STK3: variants seen among roughly 807,000 people sequenced by gnomAD.
STK3 encodes serine/threonine-protein kinase 3.
Under a neutral mutation model 58.0 loss-of-function variants are expected in STK3, and 41 were observed. The observed-to-expected ratio is 0.71, with a 90% confidence interval of 0.55 to 0.92. STK3 has a LOEUF of 0.92. STK3 is among the 40% of genes least tolerant of loss of function. The pLI is 0.00. For missense variants in STK3, 479 were observed against 602.7 expected, an observed-to-expected ratio of 0.79 and a Z score of 2.15; for synonymous variants, 170 against 191.0, an observed-to-expected ratio of 0.89 and a Z score of 0.91.
At chr8:98,797,953 G>A (rs1429032588) in intron 1 of STK3, among the ~76,000 whole-genome samples, 1 of 152,126 alleles carries the variant, frequency 6.6e-6, no homozygotes, top group Non-Finnish European at 1.5e-5. Flanking sequence ...GCAGGGAGAG[G>A]AATAAAGTAG....
Position 98,596,243 on chromosome 8 carries a change from G to A in STK3, c.685-74C>T, listed in dbSNP as rs1357408356. 3.4e-6 allele frequency: 5 copies of A among 1,470,690 alleles called. No individual in the cohort carries two copies. The African/African-American group carries it at 5.6e-5, about 16-fold the overall frequency. 91.1% of individuals were successfully genotyped at this position (1,470,690 alleles called of 1,614,324 possible). A position where few individuals can be genotyped will look rare whatever the true frequency, so the allele number is the denominator to read the frequency against. ...ATCAAATAAACAAATCTCTTTATCT[G>A]TCTTTTTATCAGACTCTAAATTTGA... On this transcript the variant is annotated intron_variant, in intron 6 of 10. Coordinates refer to ENST00000419617, the MANE Select transcript of STK3 (RefSeq NM_006281.4).
downstream of STK3, among the ~76,000 whole-genome samples, chr8:98,368,172 G>C (rs987536235): frequency 1.3e-5 from 2 of 152,212 alleles, no homozygotes; most frequent in African/African-American, 2.4e-5. Context: ...TTTAAAAGAG[G>C]TGAAAACTAC....
chr8:98,733,638 C>T (rs1389127934), intron 4 of STK3, among the ~76,000 whole-genome samples: 1 of 152,130 alleles, frequency 6.6e-6, no homozygotes, highest in Non-Finnish European at 1.5e-5. Flanking sequence ...GAAACTTTTT[C>T]TAAATTGTTA....
downstream of STK3, chr8:98,880,377 A>G (rs1427729818): frequency 6.6e-6 from 1 of 152,234 alleles, no homozygotes; most frequent in East Asian, 1.9e-4. Flanking sequence ...ATGTATTCCA[A>G]TATCAAATGG....
At chr8:98,612,810 C>A (rs948220756) in intron 6 of STK3, among the ~76,000 whole-genome samples, 1 of 152,154 alleles carries the variant, frequency 6.6e-6, no homozygotes, top group African/African-American at 2.4e-5. Context: ...AAAGTTCTAT[C>A]CTCATGAGAC....
intron 4 of STK3, among the ~76,000 whole-genome samples, chr8:98,739,355 AGACT>A (rs1024178394): frequency 3.3e-5 from 5 of 152,120 alleles, no homozygotes; most frequent in African/African-American, 1.2e-4. Context: ...AAGTAGGGGC[AGACT>A]GACACCTCAC....
At chr8:98,608,113 G>T (rs1434205086) in intron 6 of STK3, among the ~76,000 whole-genome samples, 1 of 152,006 alleles carries the variant, frequency 6.6e-6, no homozygotes, top group Non-Finnish European at 1.5e-5. Flanking sequence ...ATGAAAGGAA[G>T]AATATCATAA....
At chr8:98,662,072 C>T (rs182833271) in intron 6 of STK3, among the ~76,000 whole-genome samples, 11 of 152,054 alleles carry the variant, frequency 7.2e-5, no homozygotes, top group Non-Finnish European at 1.6e-4. Flanking sequence ...CAAAAAATGT[C>T]TGCCATGGAG....
At chr8:98,795,140 A>G (rs1201281113) in intron 1 of STK3, among the ~76,000 whole-genome samples, 1 of 138,700 alleles carries the variant, frequency 7.2e-6, no homozygotes, top group Non-Finnish European at 1.5e-5. Context: ...ACATACTAGT[A>G]CACCAAATCC....
At position 98,428,601 on chromosome 8, in the gene STK3, A is replaced by T; in HGVS notation, n.483+5526T>A. 3.1e-6 allele frequency: 5 copies of T among 1,614,120 alleles called. No individual in the cohort carries two copies. Among genetic ancestry groups the T allele is most frequent in the Non-Finnish European group, 4.2e-6 (5 of 1,180,028 alleles). On this transcript the variant is annotated intron_variant and non_coding_transcript_variant, in intron 3 of 3. Coordinates refer to the STK3 transcript ENST00000517832. This position sits in a 1 kb window ranked among gnomAD's most constrained non-coding sequence, Gnocchi z 6.7. ...GTCCATCATCACCATGTGCCTCAATAGCCTGCCCGATTTCCAAATCCCTGA... is the reference window on the plus strand; with the variant it reads ...GTCCATCATCACCATGTGCCTCAATTGCCTGCCCGATTTCCAAATCCCTGA...
intron 8 of STK3, among the ~76,000 whole-genome samples, chr8:98,563,337 G>T (rs1812211514): frequency 6.6e-6 from 1 of 151,982 alleles, no homozygotes; most frequent in Admixed American, 6.6e-5. Flanking sequence ...AATAATAATG[G>T]ATTAGAGTCA....
intron 6 of STK3, among the ~76,000 whole-genome samples, chr8:98,697,535 C>T (rs1403547486): frequency 6.6e-6 from 1 of 152,164 alleles, no homozygotes; most frequent in African/African-American, 2.4e-5. Context: ...TTGAATGTGT[C>T]CCAGAGATTC....
At chr8:98,695,537 AG>A (rs1304153639) in intron 6 of STK3, among the ~76,000 whole-genome samples, 1 of 152,212 alleles carries the variant, frequency 6.6e-6, no homozygotes, top group Non-Finnish European at 1.5e-5. Context: ...GTTGTAAGGA[AG>A]GGATACAGTT....
intron 3 of STK3, chr8:98,430,804 A>C (rs1411854947): frequency 6.0e-6 from 1 of 167,088 alleles, no homozygotes; most frequent in East Asian, 1.9e-4. Context: ...AAAATGTCAT[A>C]AAAAATTGTA....
chr8:98,687,271 T>C (rs953028712), intron 6 of STK3, among the ~76,000 whole-genome samples: 19 of 151,986 alleles, frequency 1.3e-4, no homozygotes, highest in Non-Finnish European at 2.1e-4. Context: ...ATAGATAGGG[T>C]TGGAGGGGGT....
chr8:98,399,921 G>A (rs982455835), downstream of STK3, among the ~76,000 whole-genome samples: 2 of 152,174 alleles, frequency 1.3e-5, no homozygotes, highest in African/African-American at 4.8e-5. Flanking sequence ...GAGTTCAGAA[G>A]TGTTTGCAAA....
chr8:98,831,531 A>G (rs1183379467), intron 3 of STK3, among the ~76,000 whole-genome samples: 1 of 152,238 alleles, frequency 6.6e-6, no homozygotes. Context: ...TGCTGGGATT[A>G]TAGGTATGAG....
chr8:98,683,799 G>C (rs1327754608), intron 6 of STK3, among the ~76,000 whole-genome samples: 1 of 152,092 alleles, frequency 6.6e-6, no homozygotes, highest in Non-Finnish European at 1.5e-5. Flanking sequence ...ATGCAGAACT[G>C]TAATATGCTA....
At chr8:98,721,118 T>C (rs1202579694) in intron 4 of STK3, 10 of 985,238 alleles carry the variant, frequency 1.0e-5, no homozygotes, top group African/African-American at 1.7e-5. Flanking sequence ...AGTACATTAA[T>C]GGGTGGCTTT....
Sources: gnomAD v4.1 joint callset for allele counts (sites outside exome capture counted in the v4.1 genomes callset) on GRCh38, gnomAD v4.1.1 for gene constraint, Gnocchi (gnomAD v3.1) non-coding constraint, MANE v1.5 for transcripts, NCBI Gene and HGNC (gene_info 2026-07-23, HGNC 2026-07-21) for gene names.